The following GALNT13 variants were observed in gnomAD, a reference collection of about 807,000 sequenced individuals.
GALNT13 encodes the protein UDP-GalNAc:polypeptide N-acetylgalactosaminyltransferase 13.
Under a neutral mutation model 64.2 loss-of-function variants are expected in GALNT13, and 28 were observed. The ratio of observed to expected loss-of-function variants is 0.44; its 90% CI spans 0.32 to 0.60. The LOEUF is 0.60. GALNT13 is among the 20% of genes least tolerant of loss of function. The pLI, the probability that GALNT13 is intolerant of heterozygous loss-of-function variation, is 0.05. For synonymous variants in GALNT13, 214 were observed against 224.6 expected, an observed-to-expected ratio of 0.95 and a Z score of 0.42; for missense variants, 577 against 669.8, an observed-to-expected ratio of 0.86 and a Z score of 1.53.
At chr2:153,979,267 T>C (rs1316559801) in intron 3 of GALNT13, among the ~76,000 whole-genome samples, 1 of 152,146 alleles carries the variant, frequency 6.6e-6, no homozygotes, top group African/African-American at 2.4e-5. Flanking sequence ...TTCATAAATC[T>C]TAGTGATTCA....
intron 2 of GALNT13, among the ~76,000 whole-genome samples, chr2:153,936,322 C>T (rs72865037): frequency 0.13 from 20,141 of 152,158 alleles, 1,769 homozygotes; most frequent in Non-Finnish European, 0.19. Flanking sequence ...AAATACTATG[C>T]CATTTTATAT....
At chr2:153,657,829 T>A in the GALNT13 span, among the ~76,000 whole-genome samples, 2 of 152,166 alleles carry the variant, frequency 1.3e-5, no homozygotes, top group Admixed American at 1.3e-4. Context: ...TGGGCTCTTA[T>A]TATCCCTTCC....
the GALNT13 span, among the ~76,000 whole-genome samples, chr2:153,328,056 G>C: frequency 6.6e-6 from 1 of 152,032 alleles, no homozygotes; most frequent in African/African-American, 2.4e-5. Flanking sequence ...TCATAGTCAG[G>C]TCCCTCTTCT....
intron 3 of GALNT13, among the ~76,000 whole-genome samples, chr2:154,083,812 G>T (rs1701397797): frequency 6.6e-6 from 1 of 151,856 alleles, no homozygotes; most frequent in Non-Finnish European, 1.5e-5. Flanking sequence ...CTGAAGTGAA[G>T]AAAGTGAAGT....
the GALNT13 span, among the ~76,000 whole-genome samples, chr2:153,325,120 T>TTTTTGTTTTTG: frequency 1.7e-5 from 1 of 59,150 alleles, no homozygotes; most frequent in East Asian, 2.9e-4. Context: ...CTGGGTTTTT[T>TTTTTGTTTTTG]TTTTTTTTTT....
chr2:153,564,128 T>A, the GALNT13 span, among the ~76,000 whole-genome samples: 1 of 152,156 alleles, frequency 6.6e-6, no homozygotes, highest in Non-Finnish European at 1.5e-5. Context: ...ACCACCAACT[T>A]CTATTCTCAG....
At chr2:153,972,918 A>T (rs892973260) in intron 3 of GALNT13, among the ~76,000 whole-genome samples, 2 of 152,208 alleles carry the variant, frequency 1.3e-5, no homozygotes, top group Middle Eastern at 3.4e-3. Flanking sequence ...ATAAATGAAA[A>T]GAATGATATA....
chr2:153,709,394 T>C, the GALNT13 span, among the ~76,000 whole-genome samples: 1 of 152,062 alleles, frequency 6.6e-6, no homozygotes, highest in Admixed American at 6.6e-5. Flanking sequence ...TTAAAAAGTG[T>C]TCCACATCAC....
upstream of GALNT13, among the ~76,000 whole-genome samples, chr2:153,871,053 C>T (rs1685893693): frequency 6.6e-6 from 1 of 152,168 alleles, no homozygotes; most frequent in Admixed American, 6.5e-5. Flanking sequence ...CTAATAATGT[C>T]TGCGTCTTAG....
chr2:154,140,218 T>C (rs1683180501), intron 3 of GALNT13, 119 bp from the exon 4 acceptor site: 4 of 683,828 alleles, frequency 5.8e-6, no homozygotes, highest in Non-Finnish European at 9.6e-6. Context: ...TTGATCATTA[T>C]ATTATAAAAC....
the GALNT13 span, among the ~76,000 whole-genome samples, chr2:153,493,376 TCAA>T: frequency 6.6e-6 from 1 of 152,044 alleles, no homozygotes; most frequent in Non-Finnish European, 1.5e-5. Flanking sequence ...TAGAATATTG[TCAA>T]CAACCTCTAT....
the GALNT13 span, among the ~76,000 whole-genome samples, chr2:153,511,835 C>T: frequency 6.6e-6 from 1 of 151,964 alleles, no homozygotes; most frequent in African/African-American, 2.4e-5. Context: ...AATTAAAACA[C>T]AAAGGAAATG....
intron 12 of GALNT13, among the ~76,000 whole-genome samples, chr2:154,443,179 C>T (rs1038196116): frequency 2.6e-5 from 4 of 152,028 alleles, no homozygotes; most frequent in African/African-American, 9.7e-5. Flanking sequence ...ACAGTTATTA[C>T]CTTTCCATAT....
the GALNT13 span, among the ~76,000 whole-genome samples, chr2:153,568,644 CAT>C: frequency 2.0e-5 from 3 of 152,262 alleles, no homozygotes; most frequent in South Asian, 2.1e-4. Flanking sequence ...TTGTGATACA[CAT>C]GTGTAACAGT....
the GALNT13 span, among the ~76,000 whole-genome samples, chr2:153,334,043 T>A: frequency 1.4e-4 from 21 of 152,184 alleles, no homozygotes; most frequent in African/African-American, 4.6e-4. Context: ...AATATGCATG[T>A]ACACACATAT....
chr2:153,148,787 C>A, the GALNT13 span, among the ~76,000 whole-genome samples: 2 of 151,826 alleles, frequency 1.3e-5, no homozygotes, highest in African/African-American at 2.4e-5. Flanking sequence ...TCAATCAATT[C>A]TTTCAAAACA....
the GALNT13 span, among the ~76,000 whole-genome samples, chr2:153,827,620 C>T: frequency 5.3e-4 from 57 of 108,230 alleles, no homozygotes; most frequent in African/African-American, 1.6e-3. Context: ...AGCGAGACTC[C>T]GTCCCAAAAA....
chr2:153,588,049 T>C, the GALNT13 span, among the ~76,000 whole-genome samples: 1 of 152,234 alleles, frequency 6.6e-6, no homozygotes, highest in African/African-American at 2.4e-5. Flanking sequence ...TTTGACTCCA[T>C]GTCTCACATC....
At chr2:153,233,823 C>T in the GALNT13 span, among the ~76,000 whole-genome samples, 1 of 152,144 alleles carries the variant, frequency 6.6e-6, no homozygotes, top group East Asian at 1.9e-4. Flanking sequence ...TGCCCAGAAG[C>T]AGTCAATGCC....
Sources: gnomAD v4.1 joint callset for allele counts (sites outside exome capture counted in the v4.1 genomes callset) on GRCh38, gnomAD v4.1.1 for gene constraint, MANE v1.5 for transcripts, NCBI Gene and HGNC (gene_info 2026-07-23, HGNC 2026-07-21) for gene names.